Variants in LOXL2 observed in about 807,000 individuals in gnomAD.
The protein encoded by LOXL2 is lysyl oxidase like 2, also known as lysyl oxidase homolog 2.
Under a neutral mutation model 93.0 loss-of-function variants are expected in LOXL2, and 70 were observed. That is an observed-to-expected ratio of 0.75 (90% CI 0.62 to 0.92). The LOEUF (loss-of-function observed/expected upper bound fraction) is 0.92, where lower values mean the gene tolerates loss of function less well. Ranked by LOEUF, LOXL2 falls within the 40% of genes least tolerant of loss-of-function variation. The pLI, the probability that LOXL2 is intolerant of heterozygous loss-of-function variation, is 0.00. For missense variants in LOXL2, 973 were observed against 1,054.9 expected (o/e 0.92, Z 1.08); for synonymous variants, 438 against 413.2 (o/e 1.06, Z -0.73).
At chr8:23,319,021 C>T (rs1332600764) in intron 8 of LOXL2, among the ~76,000 whole-genome samples, 3 of 152,188 alleles carry the variant, frequency 2.0e-5, no homozygotes, top group Non-Finnish European at 2.9e-5. Context: ...CAAGAAGGAC[C>T]ACTGGGGAAG....
intron 1 of LOXL2, among the ~76,000 whole-genome samples, chr8:23,396,021 T>C (rs1419354038): frequency 6.6e-6 from 1 of 152,054 alleles, no homozygotes; most frequent in Non-Finnish European, 1.5e-5. Flanking sequence ...GATAAATCGT[T>C]CTACTTAAGA....
At chr8:23,395,409 C>T (rs2117239805) in intron 1 of LOXL2, among the ~76,000 whole-genome samples, 1 of 150,400 alleles carries the variant, frequency 6.6e-6, no homozygotes, top group Middle Eastern at 3.5e-3. Context: ...AGATTAGTGG[C>T]TGTTTAAGGC....
chr8:23,403,072 T>A (rs191095100), intron 1 of LOXL2, among the ~76,000 whole-genome samples: 14 of 152,224 alleles, frequency 9.2e-5, no homozygotes, highest in Admixed American at 5.2e-4. Context: ...CAGCGCTGAT[T>A]CCTGGGACAC....
At position 23,297,172 on chromosome 8, in the gene LOXL2, C is replaced by T. The variant is rs1034629072; in HGVS notation, c.*871G>A. 43 of 152,190 alleles carry T rather than the reference C, an allele frequency of 2.8e-4. No individual in the cohort carries two copies. Among genetic ancestry groups the T allele is most frequent in the African/African-American group, 1.0e-3 (43 of 41,456 alleles). The allele number at this position is 152,190 out of a possible 1,614,324, so 9.4% of individuals were successfully genotyped here. ...CAGGTGCTGTGGGTCAAAGGAAACA[C>T]AGACACGTTTCATAAATCTTTCTTT... On this transcript the variant is annotated 3_prime_UTR_variant, in exon 14 of 14. Coordinates refer to ENST00000389131, the MANE Select transcript of LOXL2 (RefSeq NM_002318.3).
At chr8:23,302,003 G>A (rs1188365043) in intron 12 of LOXL2, 24 bp downstream of exon 12, 13 of 1,613,604 alleles carry the variant, frequency 8.1e-6, no homozygotes, top group Admixed American at 1.7e-5. Context: ...CTGCAGGGCT[G>A]GAACCCCTTC....
rs369142832 is a variant in LOXL2 at position 23,360,228 on chromosome 8, G to A, written c.393C>T (p.Asn131=). ...IWLDNLHCTG[N]EATLAACTSN... Reference sequence around the variant, plus strand: ...AGGTGCATGCTGCAAGGGTCGCCTCGTTGCCAGTACAGTGGAGATTGTCTA... The same window carrying A: ...AGGTGCATGCTGCAAGGGTCGCCTCATTGCCAGTACAGTGGAGATTGTCTA... The change falls in exon 3 of 14, where the codon AAC becomes AAT. Residue 131 remains asparagine (N), a synonymous_variant. Coordinates refer to ENST00000389131, the MANE Select transcript of LOXL2 (RefSeq NM_002318.3). The A allele has an allele frequency of 3.7e-6, 6 of 1,613,638 alleles. No homozygotes were observed. The highest frequency in any genetic ancestry group is 2.2e-5 in the East Asian group (1 of 44,892).
intron 3 of LOXL2, among the ~76,000 whole-genome samples, chr8:23,346,257 A>G (rs1236620068): frequency 6.6e-6 from 1 of 152,010 alleles, no homozygotes; most frequent in African/African-American, 2.4e-5. Flanking sequence ...AAGCTGGTCA[A>G]GCACCCTGCA....
chr8:23,371,979 G>A (rs899162003), intron 1 of LOXL2, among the ~76,000 whole-genome samples: 5 of 151,784 alleles, frequency 3.3e-5, no homozygotes, highest in Non-Finnish European at 5.9e-5. Context: ...CAACTAACAG[G>A]TTAATAAGGG....
In LOXL2 at chr8:23,341,066, C is replaced by A. The variant is rs369827629; in HGVS notation, c.669G>T (p.Thr223=). The change falls in exon 4 of 14, where the codon ACG becomes ACT. Residue 223 remains threonine, a synonymous_variant. Coordinates refer to ENST00000389131, the MANE Select transcript of LOXL2 (RefSeq NM_002318.3). ...CGCAGACCACGCGGGAATTCTTGGCCGTCCAGTGCTTGTCACAGATCTGCT... is the reference window on the plus strand; with the variant it reads ...CGCAGACCACGCGGGAATTCTTGGCAGTCCAGTGCTTGTCACAGATCTGCT... The part of the protein sequence containing the change: ...TWKQICDKHW[T]AKNSRVVCGM... 11 of 1,614,024 alleles carry A rather than the reference C, an allele frequency of 6.8e-6. No individual in the cohort carries two copies. Among genetic ancestry groups the A allele is most frequent in the Non-Finnish European group, 9.3e-6 (11 of 1,180,036 alleles).
intron 10 of LOXL2, among the ~76,000 whole-genome samples, chr8:23,308,024 T>A (rs1418931481): frequency 7.8e-6 from 1 of 128,432 alleles, no homozygotes; most frequent in Non-Finnish European, 1.6e-5. Context: ...AGAAAGAGCA[T>A]GTAGTTTGGA....
chr8:23,301,952 C>T (rs536045755), intron 12 of LOXL2, 75 bp downstream of exon 12: 42 of 1,573,794 alleles, frequency 2.7e-5, no homozygotes, highest in Non-Finnish European at 3.5e-5. Flanking sequence ...GTGTGGACAC[C>T]AATGGGAAGG....
intron 6 of LOXL2, 66 bp downstream of exon 6, chr8:23,328,316 C>T: frequency 6.4e-7 from 1 of 1,554,072 alleles, no homozygotes; most frequent in Non-Finnish European, 8.8e-7. Flanking sequence ...CGGCCAGCAG[C>T]CAGGCTGGGC....
chr8:23,318,833 T>C (rs1803447637), intron 8 of LOXL2, among the ~76,000 whole-genome samples: 1 of 152,320 alleles, frequency 6.6e-6, no homozygotes, highest in African/African-American at 2.4e-5. Flanking sequence ...TAAAGGCCTG[T>C]CTCTTCTGGA....
intron 10 of LOXL2, among the ~76,000 whole-genome samples, chr8:23,305,755 T>C (rs566718248): frequency 7.2e-5 from 11 of 152,000 alleles, no homozygotes; most frequent in African/African-American, 2.7e-4. Context: ...GTCACTGTGA[T>C]CTGGACAAAA....
intron 1 of LOXL2, among the ~76,000 whole-genome samples, chr8:23,383,244 T>C (rs539393056): frequency 1.3e-5 from 2 of 152,150 alleles, no homozygotes; most frequent in African/African-American, 4.8e-5. Flanking sequence ...GAACACGCTG[T>C]CTGAATCCTG....
Position 23,298,952 on chromosome 8 carries a change from GGA to G in LOXL2, c.2134-7_2134-6del, listed in dbSNP as rs1803083283. ...GAAGTTGGGGTTAATAACAACCTAG[GGA>G]GAAGCAGGGCAGAGGAGGCTGCTTG... On this transcript the variant is annotated splice_polypyrimidine_tract_variant and splice_region_variant and intron_variant, in intron 12 of 13. Coordinates refer to ENST00000389131, the MANE Select transcript of LOXL2 (RefSeq NM_002318.3). 2 of 1,557,178 alleles carry G rather than the reference GGA, an allele frequency of 1.3e-6. No individual in the cohort carries two copies. Among genetic ancestry groups the G allele is most frequent in the Non-Finnish European group, 1.8e-6 (2 of 1,128,328 alleles).
chr8:23,366,838 C>T (rs1251271567), intron 2 of LOXL2, among the ~76,000 whole-genome samples: 1 of 152,192 alleles, frequency 6.6e-6, no homozygotes, highest in Non-Finnish European at 1.5e-5. Context: ...ACAATTCCCT[C>T]CACCCTTATC....
chr8:23,377,498 A>G (rs1309238184), intron 1 of LOXL2, among the ~76,000 whole-genome samples: 2 of 125,356 alleles, frequency 1.6e-5, no homozygotes, highest in African/African-American at 3.0e-5. Flanking sequence ...TATCCTTGTT[A>G]ACTTTCTGTC....
At chr8:23,352,149 G>A (rs912528674) in intron 3 of LOXL2, among the ~76,000 whole-genome samples, 3 of 152,190 alleles carry the variant, frequency 2.0e-5, no homozygotes, top group African/African-American at 7.2e-5. Flanking sequence ...TGCCCAAGAA[G>A]GGCGAGAGAC....
Sources: gnomAD v4.1 joint callset for allele counts (sites outside exome capture counted in the v4.1 genomes callset) on GRCh38, gnomAD v4.1.1 for gene constraint, MANE v1.5 for transcripts, NCBI Gene and HGNC (gene_info 2026-07-23, HGNC 2026-07-21) for gene names.